NHS: variants seen among roughly 807,000 people sequenced by gnomAD.
The protein encoded by NHS is NHS actin remodeling regulator, also known as actin remodeling regulator NHS.
In NHS, 5 loss-of-function variants were observed where a neutral mutation model predicts 72.5. The ratio of observed to expected loss-of-function variants is 0.07; its 90% CI spans 0.04 to 0.14. The LOEUF is 0.14. NHS is among the 10% of genes least tolerant of loss of function. The probability of loss-of-function intolerance (pLI) is 1.00; values close to 1 mark genes in which losing one functional copy is unlikely to be tolerated. For missense variants in NHS, 1,072 were observed against 1,355.7 expected (o/e 0.79, Z 3.29); for synonymous variants, 464 against 547.7 (o/e 0.85, Z 2.13).
At chrX:17,430,433 C>T (rs185157413) in intron 1 of NHS, among the ~76,000 whole-genome samples, 2 of 90,339 alleles carry the variant, frequency 2.2e-5, no homozygotes, top group Admixed American at 1.4e-4. Flanking sequence ...TCCTTCCTTT[C>T]TTTCTCTCTC....
At chrX:17,652,159 GAA>G (rs1181600525) in intron 1 of NHS, among the ~76,000 whole-genome samples, 19 of 112,460 alleles carry the variant, frequency 1.7e-4, no homozygotes, top group Non-Finnish European at 5.6e-5. Context: ...GCCCTTTACA[GAA>G]AAAGTTTGTT....
chrX:17,732,448 C>T lies in NHS; in HGVS notation c.4940C>T (p.Ser1647Phe). The T allele has an allele frequency of 2.5e-6, 3 of 1,212,513 alleles. No individual in the cohort carries two copies. Among genetic ancestry groups the T allele is most frequent in the Non-Finnish European group, 3.3e-6 (3 of 895,696 alleles). ...SDGSPHDDRS[S>F]QSST is the part of the protein sequence containing the mutation. ...GGGAGCCCACATGACGACCGTTCCT[C>T]CCAGAGTTCAACATAGACTGCCTGT... The change falls in exon 9 of 9, where the codon TCC (serine) becomes TTC (phenylalanine). Residue 1647 changes from serine to phenylalanine, a missense_variant. By Grantham distance (155) the Ser-to-Phe change is radical. Transcript: ENST00000676302.
intron 1 of NHS, among the ~76,000 whole-genome samples, chrX:17,558,654 A>G (rs1270657996): frequency 8.9e-6 from 1 of 112,254 alleles, no homozygotes. Flanking sequence ...CCTATCTCAA[A>G]GCTTCCTGGA....
chrX:17,660,144 C>T (rs2065976120), intron 1 of NHS, among the ~76,000 whole-genome samples: 1 of 112,236 alleles, frequency 8.9e-6, no homozygotes, highest in African/African-American at 3.2e-5. Flanking sequence ...AGCTACTCAG[C>T]TAGTGAAGAA....
chrX:17,687,102 A>G (rs932598156), intron 1 of NHS: 1 of 116,083 alleles, frequency 8.6e-6, no homozygotes, highest in Non-Finnish European at 1.8e-5. Flanking sequence ...CTTAATACTC[A>G]TTACCTCTAT....
At chrX:17,378,195 T>C (rs2064356835) in intron 1 of NHS, among the ~76,000 whole-genome samples, 4 of 111,670 alleles carry the variant, frequency 3.6e-5, no homozygotes, top group African/African-American at 1.3e-4. Context: ...GTTATGTACC[T>C]GGAACGTGTC....
chrX:17,723,868 T>A (rs2066425004), intron 5 of NHS, among the ~76,000 whole-genome samples: 1 of 109,543 alleles, frequency 9.1e-6, no homozygotes. Flanking sequence ...AAGAAATGGG[T>A]CAGGATATGT....
chrX:17,491,705 C>T (rs2064992156), intron 1 of NHS, among the ~76,000 whole-genome samples: 1 of 108,255 alleles, frequency 9.2e-6, no homozygotes, highest in South Asian at 4.1e-4. Context: ...GTACCAGCTC[C>T]TCCTTGTATC....
chrX:17,490,084 C>T (rs1053005297), intron 1 of NHS, among the ~76,000 whole-genome samples: 2 of 111,946 alleles, frequency 1.8e-5, no homozygotes, highest in African/African-American at 6.5e-5. Context: ...TGCCTGTTCA[C>T]TCTGATGATA....
chrX:17,641,014 G>A (rs1432896711), intron 1 of NHS, among the ~76,000 whole-genome samples: 1 of 112,570 alleles, frequency 8.9e-6, no homozygotes, highest in African/African-American at 3.2e-5. Context: ...TGTGTGTTGA[G>A]TGTTTTTCCC....
intron 1 of NHS, among the ~76,000 whole-genome samples, chrX:17,551,915 T>C (rs1398392420): frequency 8.9e-6 from 1 of 112,127 alleles, no homozygotes; most frequent in African/African-American, 3.2e-5. Flanking sequence ...ATGGGTTTTC[T>C]GTTATAGTAT....
intron 1 of NHS, 134 bp downstream of exon 1, chrX:17,376,456 C>T (rs2064347964): frequency 3.4e-6 from 2 of 583,767 alleles, no homozygotes; most frequent in Non-Finnish European, 5.5e-6. Context: ...CTCGCCTTCC[C>T]ACCCTTCCCA....
chrX:17,708,204 T>A (rs1194998707), intron 3 of NHS, among the ~76,000 whole-genome samples: 1 of 111,912 alleles, frequency 8.9e-6, no homozygotes, highest in African/African-American at 3.3e-5. Context: ...TATTCTGTGA[T>A]CCCAAACCTT....
rs766918231 is a variant in NHS at position 17,725,797 on chromosome X, C to T, written c.1691C>T (p.Ala564Val). 7 of 1,209,415 alleles carry T rather than the reference C, an allele frequency of 5.8e-6. No homozygotes were observed. The Admixed American group carries it at 1.5e-4, about 26-fold the overall frequency. ...AQDHQPTLGL[A>V]CSQHLHSPQH... ...GACCACCAGCCTACTTTGGGCCTGG[C>T]CTGCTCTCAACATCTTCACAGCCCC... The change falls in exon 7 of 9, where the codon GCC (alanine) becomes GTC (valine). Residue 564 changes from alanine (A) to valine (V), a missense_variant. Physicochemically the swap from Ala to Val is moderately conservative, Grantham distance 64. Transcript: ENST00000676302.
intron 1 of NHS, among the ~76,000 whole-genome samples, chrX:17,607,280 AC>A (rs1467026482): frequency 9.0e-6 from 1 of 111,337 alleles, no homozygotes; most frequent in African/African-American, 3.3e-5. Context: ...GAGATAACCT[AC>A]CCCATCGGAT....
intron 2 of NHS, among the ~76,000 whole-genome samples, chrX:17,691,872 G>A (rs1390063952): frequency 8.9e-6 from 1 of 112,091 alleles, no homozygotes; most frequent in African/African-American, 3.2e-5. Flanking sequence ...GTTGAAAAAT[G>A]GACTCACACA....
chrX:17,735,979 C>A lies in NHS; in HGVS notation c.*3515C>A, dbSNP rs1283553769. 1.8e-5 allele frequency: 2 copies of A among 112,133 alleles called. No individual in the cohort carries two copies. 9.2% of individuals were successfully genotyped at this position (112,133 alleles called of 1,213,427 possible). On this transcript the variant is annotated 3_prime_UTR_variant, in exon 9 of 9. Coordinates refer to ENST00000676302, the MANE Select transcript of NHS (RefSeq NM_001291867.2). ...AGTGTGTATAGAAACTGCAAATAAA[C>A]GTGACTGCAATTAAACAACCGGTTT...
At chrX:17,405,926 C>T (rs771808322) in intron 1 of NHS, among the ~76,000 whole-genome samples, 1 of 112,415 alleles carries the variant, frequency 8.9e-6, no homozygotes, top group East Asian at 2.8e-4. Flanking sequence ...CAGGCTTCAC[C>T]CACAATCCAG....
chrX:17,448,276 C>T (rs777396257), intron 1 of NHS, among the ~76,000 whole-genome samples: 3 of 112,170 alleles, frequency 2.7e-5, no homozygotes, highest in African/African-American at 9.7e-5. Flanking sequence ...GAGCCAAGGA[C>T]ATCTTGATAC....
Sources: allele counts gnomAD v4.1 joint callset (sites outside exome capture counted in the v4.1 genomes callset), GRCh38; gene constraint gnomAD v4.1.1; transcripts MANE v1.5; gene names NCBI Gene and HGNC (gene_info 2026-07-23, HGNC 2026-07-21).